The following TEX2 variants were observed in gnomAD, a reference collection of about 807,000 sequenced individuals.
TEX2 encodes the protein testis-expressed protein 2.
In TEX2, 53 loss-of-function variants were observed where a neutral mutation model predicts 106.9. The ratio of observed to expected loss-of-function variants is 0.50; its 90% CI spans 0.40 to 0.62. TEX2 has a LOEUF of 0.62. Among genes scored for constraint, TEX2 ranks in the 20% least tolerant of loss-of-function variants. TEX2 has a pLI of 0.00. For synonymous variants in TEX2, 523 were observed against 534.8 expected (o/e 0.98, Z 0.30); for missense variants, 1,207 against 1,379.0 (o/e 0.88, Z 1.98).
At chr17:64,150,046 T>C (rs915459799) in intron 11 of TEX2, 3 of 152,166 alleles carry the variant, frequency 2.0e-5, no homozygotes, top group African/African-American at 7.2e-5. Context: ...TGGTTATCAG[T>C]TATGTTTAAT....
intron 7 of TEX2, among the ~76,000 whole-genome samples, chr17:64,169,790 T>C (rs1654353463): frequency 6.6e-6 from 1 of 152,200 alleles, no homozygotes; most frequent in African/African-American, 2.4e-5. Flanking sequence ...TATAAAACAT[T>C]TACTTTAAAA....
In TEX2 at chr17:64,213,017, C is replaced by G; in HGVS notation, c.1201G>C (p.Val401Leu). 6.2e-7 allele frequency: 1 copy of G among 1,614,240 alleles called. No individual in the cohort carries two copies. Among genetic ancestry groups the G allele is most frequent in the Non-Finnish European group, 8.5e-7 (1 of 1,180,042 alleles). ...KDLGLKTSSL[V>L]LEKCSLSALV... The stretch of plus-strand genomic sequence containing the variant: ...GCAGACAAAGAACATTTCTCCAGAA[C>G]TAGAGAACTTGTCTTCAGGCCTAAA... Residue 401 changes from valine to leucine, a missense_variant, in exon 2 of 12, where the codon GTT becomes CTT. Coordinates refer to ENST00000584379, the MANE Select transcript of TEX2 (RefSeq NM_001288732.2). The surrounding 1 kb of genome is among the most constrained non-coding windows in gnomAD (Gnocchi z 4.4).
chr17:64,203,652 C>T (rs1304123160), intron 2 of TEX2, among the ~76,000 whole-genome samples: 1 of 152,126 alleles, frequency 6.6e-6, no homozygotes, highest in Non-Finnish European at 1.5e-5. Flanking sequence ...CAAGCAGACC[C>T]ACAGACATCC....
At chr17:64,240,509 G>A (rs2033868453) in intron 1 of TEX2, among the ~76,000 whole-genome samples, 1 of 152,150 alleles carries the variant, frequency 6.6e-6, no homozygotes, top group South Asian at 2.1e-4. Flanking sequence ...AAGAGTATAT[G>A]CTTCCAACTC....
At chr17:64,158,110 AGACTAAAG>A (rs1296935214) in intron 8 of TEX2, among the ~76,000 whole-genome samples, 1 of 152,244 alleles carries the variant, frequency 6.6e-6, no homozygotes, top group African/African-American at 2.4e-5. Context: ...ATTTGGGAAA[AGACTAAAG>A]GAAAAATGCC....
Position 64,171,109 on chromosome 17 carries a change from C to T in TEX2, c.2662G>A (p.Asp888Asn), listed in dbSNP as rs1236295696. 1 of 1,613,866 alleles carries T rather than the reference C, an allele frequency of 6.2e-7. No individual in the cohort carries two copies. Among genetic ancestry groups the T allele is most frequent in the South Asian group, 1.1e-5 (1 of 91,060 alleles). Residue 888 changes from aspartate to asparagine, a missense_variant, in exon 7 of 12, where the codon GAT becomes AAT. Transcript: ENST00000584379. Reference protein sequence around the residue: ...KILQAFKPYVDHQGLWIDLEM... With the variant: ...KILQAFKPYVNHQGLWIDLEM... ...GTCAGTTAGGAGTTACCTTGGTGAT[C>T]AACGTAAGGCTTGAAGGCCTGGAGG... is the stretch of plus-strand genomic sequence containing the variant.
At position 64,195,646 on chromosome 17, in the gene TEX2, C is replaced by T. The variant is rs1185060444; in HGVS notation, c.1645-551G>A. On this transcript the variant is annotated intron_variant, in intron 2 of 11. Transcript: ENST00000584379. This position sits in a 1 kb window ranked among gnomAD's most constrained non-coding sequence, Gnocchi z 4.1. Reference sequence around the variant, plus strand: ...ATTGAGAATTAGGCATTAAATACATCGTAAATATAATCAATAATATATCAA... The same window carrying T: ...ATTGAGAATTAGGCATTAAATACATTGTAAATATAATCAATAATATATCAA... 2.0e-5 allele frequency among the ~76,000 whole-genome samples: 3 copies of T among 152,128 alleles called. No homozygotes were observed. Among genetic ancestry groups the T allele is most frequent in the African/African-American group, 4.8e-5 (2 of 41,438 alleles).
Position 64,195,927 on chromosome 17 carries a change from A to T in TEX2, c.1645-832T>A, listed in dbSNP as rs1285473333. ...CTTTTTCAGGTTATGAGTAGCCCAG[A>T]TCTCACAAAAGAAGTCCTCTGGGGA... On this transcript the variant is annotated intron_variant, in intron 2 of 11. Transcript: ENST00000584379. The surrounding 1 kb of genome is among the most constrained non-coding windows in gnomAD (Gnocchi z 4.1). 7.9e-5 allele frequency among the ~76,000 whole-genome samples: 12 copies of T among 152,236 alleles called. No homozygotes were observed. Among genetic ancestry groups the T allele is most frequent in the Non-Finnish European group, 1.6e-4 (11 of 68,040 alleles).
intron 2 of TEX2, among the ~76,000 whole-genome samples, chr17:64,212,296 A>T (rs2033026443): frequency 6.6e-6 from 1 of 152,214 alleles, no homozygotes; most frequent in African/African-American, 2.4e-5. Context: ...CATTCCAAGT[A>T]AGTTTAGAGA....
rs944283263 is a variant in TEX2 at position 64,147,714 on chromosome 17, T to C, written c.*1255A>G. 10 of 152,574 alleles carry C rather than the reference T, an allele frequency of 6.6e-5. No individual in the cohort carries two copies. The highest frequency in any genetic ancestry group is 2.2e-4 in the African/African-American group (9 of 41,408). The allele number at this position is 152,574 out of a possible 1,614,324, so 9.5% of individuals were successfully genotyped here. A position where few individuals can be genotyped will look rare whatever the true frequency, so the allele number is the denominator to read the frequency against. On this transcript the variant is annotated 3_prime_UTR_variant, in exon 12 of 12. Transcript: ENST00000584379. ...TAAGTCAAATGTTTTAATGGTGCAA[T>C]TAAAATAAGGGTTCAAACATGTTTT...
At position 64,148,798 on chromosome 17, in the gene TEX2, G is replaced by T; in HGVS notation, c.*171C>A. 1.4e-6 allele frequency: 1 copy of T among 731,226 alleles called. No individual in the cohort carries two copies. Among genetic ancestry groups the T allele is most frequent in the Non-Finnish European group, 2.2e-6 (1 of 464,970 alleles). 45.3% of individuals were successfully genotyped at this position (731,226 alleles called of 1,614,324 possible). A position where few individuals can be genotyped will look rare whatever the true frequency, so the allele number is the denominator to read the frequency against. On this transcript the variant is annotated 3_prime_UTR_variant, in exon 12 of 12. Coordinates refer to ENST00000584379, the MANE Select transcript of TEX2 (RefSeq NM_001288732.2). ...GCAATCCAGACAGTTGTCACTAGAT[G>T]CAGGGAATGACACCTCACAGTGGAA...
chr17:64,155,077 A>G (rs1358901774), intron 8 of TEX2, 110 bp from the exon 9 acceptor site: 2 of 1,277,836 alleles, frequency 1.6e-6, no homozygotes, highest in Non-Finnish European at 2.0e-6. Context: ...GTCGGGATGT[A>G]ACTGTTAACT....
chr17:64,206,879 T>C (rs1247920365), intron 2 of TEX2, among the ~76,000 whole-genome samples: 3 of 152,122 alleles, frequency 2.0e-5, no homozygotes, highest in African/African-American at 7.2e-5. Context: ...TTTACTTATA[T>C]TCTAGACAGT....
At chr17:64,182,926 A>G (rs2031937142) in intron 5 of TEX2, among the ~76,000 whole-genome samples, 1 of 151,718 alleles carries the variant, frequency 6.6e-6, no homozygotes, top group Middle Eastern at 3.4e-3. Context: ...TTTTTTTTAA[A>G]ACAGAGTCTT....
At chr17:64,200,944 T>C (rs1043994105) in intron 2 of TEX2, among the ~76,000 whole-genome samples, 1 of 152,094 alleles carries the variant, frequency 6.6e-6, no homozygotes. Flanking sequence ...GTTCCTATCT[T>C]TGTGTTAAAG....
intron 1 of TEX2, among the ~76,000 whole-genome samples, chr17:64,220,116 C>T (rs182196645): frequency 1.3e-5 from 2 of 152,246 alleles, no homozygotes; most frequent in East Asian, 3.9e-4. Context: ...AAAATATCTG[C>T]AAATCATTTA....
chr17:64,179,768 T>TA lies in TEX2; in HGVS notation c.2425-2298_2425-2297insT, dbSNP rs1176996761. On this transcript the variant is annotated intron_variant, in intron 5 of 11. Transcript: ENST00000584379. ...CTTTATGAACGTTGGTGAGTCTCAT[T>TA]TAAAAAAAAAAATGGTTTAAAAAAG... Among the ~76,000 whole-genome samples, 64 of 74,814 alleles carry TA rather than the reference T, an allele frequency of 8.6e-4. No homozygotes were observed. In the Admixed American group the frequency reaches 9.0e-3, roughly 10 times the overall value. The allele number at this position is 74,814 out of a possible 152,430, so 49.1% of individuals were successfully genotyped here.
intron 1 of TEX2, among the ~76,000 whole-genome samples, chr17:64,245,765 G>A (rs139170332): frequency 4.5e-4 from 64 of 141,572 alleles, no homozygotes; most frequent in African/African-American, 1.4e-3. Flanking sequence ...ATAGGGATAC[G>A]AACCAACTGG....
chr17:64,248,587 C>A (rs1235535953), intron 1 of TEX2, among the ~76,000 whole-genome samples: 1 of 152,186 alleles, frequency 6.6e-6, no homozygotes, highest in Non-Finnish European at 1.5e-5. Context: ...TTTTATCAGG[C>A]CTCAAAGAAT....
Sources: gnomAD v4.1 joint callset for allele counts (sites outside exome capture counted in the v4.1 genomes callset) on GRCh38, gnomAD v4.1.1 for gene constraint, Gnocchi (gnomAD v3.1) non-coding constraint, MANE v1.5 for transcripts, NCBI Gene and HGNC (gene_info 2026-07-23, HGNC 2026-07-21) for gene names.